TRAPPC6A: variants seen among roughly 807,000 people sequenced by gnomAD.
TRAPPC6A encodes the protein trafficking protein particle complex subunit 6A.
In TRAPPC6A, 25 loss-of-function variants were observed where a neutral mutation model predicts 20.8. The observed-to-expected ratio is 1.20, with a 90% CI of 0.88 to 1.68. The LOEUF (loss-of-function observed/expected upper bound fraction) is 1.68, where lower values mean the gene tolerates loss of function less well. TRAPPC6A is among the 40% of genes most tolerant of loss of function. The pLI is 0.00. For missense variants in TRAPPC6A, 215 were observed against 211.6 expected (o/e 1.02, Z -0.10); for synonymous variants, 96 against 93.3 (o/e 1.03, Z -0.16).
At chr19:45,178,027 G>A (rs1969431010) in intron 1 of TRAPPC6A, 108 bp downstream of exon 1, 2 of 1,566,414 alleles carry the variant, frequency 1.3e-6, no homozygotes, top group Non-Finnish European at 1.7e-6. Context: ...TGCCCTGCAA[G>A]GCCGGGGCTG....
rs938766287 is a variant in TRAPPC6A, at chr19:45,174,313, G to A, written c.84+3822C>T. ...TATGAGGGGAGGGAGGGAAGAGCTA[G>A]CACTGCTCATAAGCCAAATGAATCC... On this transcript the variant is annotated intron_variant, in intron 1 of 5. Transcript: ENST00000585934. Among the ~76,000 whole-genome samples the A allele has an allele frequency of 2.3e-4, 35 of 152,230 alleles. No individual in the cohort carries two copies. The Middle Eastern group carries it at 0.01, about 44-fold the overall frequency.
At chr19:45,169,897 G>A (rs1969234595) in intron 1 of TRAPPC6A, among the ~76,000 whole-genome samples, 1 of 152,198 alleles carries the variant, frequency 6.6e-6, no homozygotes. Context: ...GCTCCTTTAT[G>A]TCCCTCCCTC....
At position 45,163,501 on chromosome 19, in the gene TRAPPC6A, C is replaced by A. The variant is rs530335831; in HGVS notation, c.449-278G>T. Among the ~76,000 whole-genome samples the A allele has an allele frequency of 6.6e-6, 1 of 152,128 alleles. No homozygotes were observed. The highest frequency in any genetic ancestry group is 2.4e-5 in the African/African-American group (1 of 41,508). ...GCCCCGGGGGCCCCCATGAGTGGGC[C>A]TGGGGAACCGGCAGAGGCAAAATAA... On this transcript the variant is annotated intron_variant, in intron 5 of 5. Transcript: ENST00000585934. This position sits in a 1 kb window ranked among gnomAD's most constrained non-coding sequence, Gnocchi z 5.3.
At chr19:45,177,325 T>C (rs1423439659) in intron 1 of TRAPPC6A, among the ~76,000 whole-genome samples, 1 of 150,714 alleles carries the variant, frequency 6.6e-6, no homozygotes, top group African/African-American at 2.4e-5. Context: ...CTAGGCAACA[T>C]GGCAAAACCC....
chr19:45,166,914 G>A (rs1438178006), intron 1 of TRAPPC6A, among the ~76,000 whole-genome samples: 5 of 152,292 alleles, frequency 3.3e-5, no homozygotes, highest in Admixed American at 6.5e-5. Flanking sequence ...CCTGGAGAGC[G>A]TGTCCGAGGA....
intron 1 of TRAPPC6A, among the ~76,000 whole-genome samples, chr19:45,176,870 A>T (rs897873637): frequency 2.0e-5 from 2 of 99,844 alleles, no homozygotes; most frequent in African/African-American, 5.0e-5. Context: ...CGTATCTACT[A>T]AAAAAAAAAA....
chr19:45,165,044 A>C, intron 2 of TRAPPC6A, 74 bp from the exon 3 acceptor site: 1 of 1,609,230 alleles, frequency 6.2e-7, no homozygotes, highest in Non-Finnish European at 8.5e-7. Context: ...CGACTCCTGC[A>C]TGGAGCAATG....
intron 1 of TRAPPC6A, among the ~76,000 whole-genome samples, chr19:45,167,698 G>A (rs1026195668): frequency 4.6e-5 from 7 of 152,190 alleles, no homozygotes; most frequent in African/African-American, 1.4e-4. Flanking sequence ...GGCCAGGCGG[G>A]TCTCGAACTC....
In TRAPPC6A at chr19:45,163,970, A is replaced by G; in HGVS notation, c.394T>C (p.Tyr132His). ...FTCGLLRGAL[Y>H]TLGIESVVTA... ...ACCACGCTCTCAATGCCCAGGGTAT[A>G]GAGGGCGCCGCGCAGGAGGCCGCAG... The change falls in exon 5 of 6, where the codon TAT becomes CAT. Residue 132 changes from tyrosine to histidine, a missense_variant. Tyr to His is a moderately conservative substitution (Grantham distance 83, BLOSUM62 2). Coordinates refer to ENST00000585934, the MANE Select transcript of TRAPPC6A (RefSeq NM_001270891.2). This position sits in a 1 kb window ranked among gnomAD's most constrained non-coding sequence, Gnocchi z 5.3. 6.3e-7 allele frequency: 1 copy of G among 1,581,482 alleles called. No individual in the cohort carries two copies. The highest frequency in any genetic ancestry group is 8.6e-7 in the Non-Finnish European group (1 of 1,164,212).
At position 45,173,048 on chromosome 19, in the gene TRAPPC6A, ATGGAGGCC is replaced by A. The variant is rs1969297884; in HGVS notation, c.84+5079_84+5086del. Among the ~76,000 whole-genome samples the A allele has an allele frequency of 6.6e-6, 1 of 151,180 alleles. No individual in the cohort carries two copies. Among genetic ancestry groups the A allele is most frequent in the Non-Finnish European group, 1.5e-5 (1 of 67,960 alleles). On this transcript the variant is annotated intron_variant, in intron 1 of 5. Transcript: ENST00000585934. The surrounding 1 kb of genome is among the most constrained non-coding windows in gnomAD (Gnocchi z 4.8). ...CAAGTGCACTCTCGGGGTGTGGTGG[ATGGAGGCC>A]TGGCGCAGCAGGGCTATTCTCGGGG...
chr19:45,169,261 A>G lies in TRAPPC6A; in HGVS notation c.85-4067T>C, dbSNP rs575116143. ...GTGTGGGACCTGGGCCAATGGCTGAATACCTGTGCCTCAGTTTCCTCATGT... is the reference window on the plus strand; with the variant it reads ...GTGTGGGACCTGGGCCAATGGCTGAGTACCTGTGCCTCAGTTTCCTCATGT... On this transcript the variant is annotated intron_variant, in intron 1 of 5. Transcript: ENST00000585934. 6.6e-4 allele frequency among the ~76,000 whole-genome samples: 100 copies of G among 152,334 alleles called. 1 individual carries two copies. Among genetic ancestry groups the G allele is most frequent in the South Asian group, 6.2e-4 (3 of 4,828 alleles).
At chr19:45,166,357 T>C (rs1003213070) in intron 1 of TRAPPC6A, among the ~76,000 whole-genome samples, 5 of 151,252 alleles carry the variant, frequency 3.3e-5, no homozygotes, top group Admixed American at 6.6e-5. Flanking sequence ...CAGGCCTGTG[T>C]GCCACCACAC....
intron 1 of TRAPPC6A, 62 bp from the exon 2 acceptor site, chr19:45,165,256 G>C (rs1215824305): frequency 6.7e-7 from 1 of 1,491,198 alleles, no homozygotes; most frequent in Non-Finnish European, 9.1e-7. Context: ...GGGCCACCCA[G>C]GGGGGGACCT....
intron 1 of TRAPPC6A, among the ~76,000 whole-genome samples, chr19:45,176,163 T>TA (rs1969368755): frequency 6.6e-6 from 1 of 151,902 alleles, no homozygotes; most frequent in South Asian, 2.1e-4. Context: ...CAGCTAATTT[T>TA]AAAAATTTCT....
chr19:45,165,040 C>A lies in TRAPPC6A; in HGVS notation c.153-70G>T, dbSNP rs1187485857. 1.2e-6 allele frequency: 2 copies of A among 1,609,156 alleles called. 1 individual carries two copies. The highest frequency in any genetic ancestry group is 3.3e-5 in the Admixed American group (2 of 59,984). On this transcript the variant is annotated intron_variant, in intron 2 of 5. Coordinates refer to ENST00000585934, the MANE Select transcript of TRAPPC6A (RefSeq NM_001270891.2). ...AGAGGGAGGAAGACAGGCCCGACTC[C>A]TGCATGGAGCAATGCAACCCTCCCC...
At position 45,163,211 on chromosome 19, in the gene TRAPPC6A, A is replaced by C. The variant is rs1969049178; in HGVS notation, c.461T>G (p.Val154Gly). Residue 154 changes from valine (V) to glycine (G), a missense_variant, in exon 6 of 6, where the codon GTG (valine) becomes GGG (glycine). By Grantham distance (109) the Val-to-Gly change is moderately radical (BLOSUM62 -3). Transcript: ENST00000585934. The surrounding 1 kb of genome is among the most constrained non-coding windows in gnomAD (Gnocchi z 5.3). Reference protein sequence around the residue: ...VAALPVCKFQVVIPKS With the variant: ...VAALPVCKFQGVIPKS ...GCAGGCTTAGGATTTCGGAATCACC[A>C]CCTGGAACTTACCTGGAAGAGAAGG... 1 of 1,613,778 alleles carries C rather than the reference A, an allele frequency of 6.2e-7. No individual in the cohort carries two copies. Among genetic ancestry groups the C allele is most frequent in the Non-Finnish European group, 8.5e-7 (1 of 1,179,828 alleles).
At chr19:45,171,587 T>C (rs57302271) in intron 1 of TRAPPC6A, among the ~76,000 whole-genome samples, 2,199 of 152,130 alleles carry the variant, frequency 0.014, 62 homozygotes, top group African/African-American at 0.048. Context: ...TCAACACTTT[T>C]TAACAAGGGA....
intron 1 of TRAPPC6A, among the ~76,000 whole-genome samples, chr19:45,177,588 C>G (rs1481963032): frequency 6.6e-6 from 1 of 152,048 alleles, no homozygotes; most frequent in Non-Finnish European, 1.5e-5. Context: ...CTCGGCCTCC[C>G]AAAGTGCTGG....
chr19:45,177,198 C>CACAT (rs1969403567), intron 1 of TRAPPC6A, among the ~76,000 whole-genome samples: 1 of 123,436 alleles, frequency 8.1e-6, no homozygotes, highest in Non-Finnish European at 1.8e-5. Flanking sequence ...CGCGCACACA[C>CACAT]ACACACACAC....
Sources: allele counts gnomAD v4.1 joint callset (sites outside exome capture counted in the v4.1 genomes callset), GRCh38; gene constraint gnomAD v4.1.1; non-coding constraint Gnocchi (gnomAD v3.1); transcripts MANE v1.5; gene names NCBI Gene and HGNC (gene_info 2026-07-23, HGNC 2026-07-21).